The following FAM151B variants were observed in gnomAD, a reference collection of about 807,000 sequenced individuals.
FAM151B encodes protein FAM151B.
In FAM151B, 24 loss-of-function variants were observed where a neutral mutation model predicts 31.2. The ratio of observed to expected loss-of-function variants is 0.77; its 90% CI spans 0.56 to 1.08. The LOEUF is 1.08. Ranked by LOEUF, FAM151B falls within the 50% of genes least tolerant of loss-of-function variation. FAM151B has a pLI of 0.00. For missense variants in FAM151B, 293 were observed against 328.6 expected, an observed-to-expected ratio of 0.89 and a Z score of 0.84; for synonymous variants, 105 against 111.4, an observed-to-expected ratio of 0.94 and a Z score of 0.36.
chr5:80,512,375 G>A (rs1447733796), intron 2 of FAM151B, among the ~76,000 whole-genome samples: 1 of 152,090 alleles, frequency 6.6e-6, no homozygotes, highest in East Asian at 1.9e-4. Context: ...AATATACCTG[G>A]GTGTTTATGC....
chr5:80,520,356 A>G (rs1744644914), intron 4 of FAM151B, among the ~76,000 whole-genome samples: 1 of 152,076 alleles, frequency 6.6e-6, no homozygotes, highest in African/African-American at 2.4e-5. Context: ...TAAAATAGAT[A>G]TATTCTGGCC....
At chr5:80,527,428 A>G (rs1210641260) in intron 5 of FAM151B, among the ~76,000 whole-genome samples, 1 of 30,826 alleles carries the variant, frequency 3.2e-5, no homozygotes, top group South Asian at 9.2e-4. Flanking sequence ...GTCTCAATTA[A>G]AAAAAAAAAA....
intron 5 of FAM151B, among the ~76,000 whole-genome samples, chr5:80,525,730 A>AC (rs760898296): frequency 5.9e-5 from 9 of 152,106 alleles, no homozygotes; most frequent in Non-Finnish European, 1.3e-4. Flanking sequence ...CAGAAAAAAA[A>AC]CATACACCAG....
chr5:80,511,237 A>T (rs1744172474), intron 2 of FAM151B, among the ~76,000 whole-genome samples: 4 of 152,066 alleles, frequency 2.6e-5, no homozygotes, highest in Admixed American at 2.6e-4. Context: ...TTTGAGAGGC[A>T]GAGGTGAGAG....
At position 80,522,046 on chromosome 5, in the gene FAM151B, T is replaced by C; in HGVS notation, c.579T>C (p.Asn193=). 2 of 1,611,554 alleles carry C rather than the reference T, an allele frequency of 1.2e-6. No individual in the cohort carries two copies. Among genetic ancestry groups the C allele is most frequent in the Non-Finnish European group, 1.7e-6 (2 of 1,178,050 alleles). ...TGAAAGAGATGGAATATATATGTAATGAACTAAGTCAGCCTGTAACGTTCC... is the reference window on the plus strand; with the variant it reads ...TGAAAGAGATGGAATATATATGTAACGAACTAAGTCAGCCTGTAACGTTCC... ...TMVKEMEYIC[N]ELSQPVTFPV... Residue 193 remains asparagine (N), a synonymous_variant, in exon 5 of 6, where the codon AAT becomes AAC. Coordinates refer to ENST00000282226, the MANE Select transcript of FAM151B (RefSeq NM_205548.3).
intron 5 of FAM151B, among the ~76,000 whole-genome samples, chr5:80,536,155 A>T (rs902186028): frequency 4.6e-5 from 7 of 151,864 alleles, no homozygotes; most frequent in African/African-American, 1.7e-4. Context: ...AGTTTAGTTT[A>T]GTTTAGTTTT....
chr5:80,533,978 A>G (rs1052996713), intron 5 of FAM151B, among the ~76,000 whole-genome samples: 1 of 152,148 alleles, frequency 6.6e-6, no homozygotes, highest in Non-Finnish European at 1.5e-5. Context: ...TACTGTGAGC[A>G]ACTATATGCC....
chr5:80,488,630 C>A (rs1403003894), intron 1 of FAM151B, among the ~76,000 whole-genome samples: 1 of 152,212 alleles, frequency 6.6e-6, no homozygotes, highest in African/African-American at 2.4e-5. Context: ...TCAGGTGCTT[C>A]AACTCGCGGG....
intron 2 of FAM151B, among the ~76,000 whole-genome samples, chr5:80,506,300 G>A (rs1743961980): frequency 6.6e-6 from 1 of 152,150 alleles, no homozygotes; most frequent in Non-Finnish European, 1.5e-5. Flanking sequence ...ATGAAAATAT[G>A]TAGCCCTAGT....
At chr5:80,507,681 AAAAC>A (rs959485658) in intron 2 of FAM151B, among the ~76,000 whole-genome samples, 2 of 152,180 alleles carry the variant, frequency 1.3e-5, no homozygotes, top group African/African-American at 4.8e-5. Flanking sequence ...ACTCTGTCTC[AAAAC>A]AAACAAACAA....
chr5:80,536,375 C>T (rs893468232), intron 5 of FAM151B, among the ~76,000 whole-genome samples: 4 of 152,066 alleles, frequency 2.6e-5, no homozygotes, highest in Admixed American at 2.0e-4. Context: ...GGAGTTTCAC[C>T]ATCCTGGCCA....
intron 1 of FAM151B, among the ~76,000 whole-genome samples, chr5:80,492,747 G>T (rs1743374719): frequency 6.6e-6 from 1 of 152,178 alleles, no homozygotes; most frequent in Non-Finnish European, 1.5e-5. Context: ...GAAGCCGGCA[G>T]TTCAAGACCA....
chr5:80,490,380 A>G (rs1272144190), intron 1 of FAM151B, among the ~76,000 whole-genome samples: 1 of 152,246 alleles, frequency 6.6e-6, no homozygotes, highest in Non-Finnish European at 1.5e-5. Flanking sequence ...AGCCTTAAAA[A>G]AATTAATAAA....
chr5:80,517,494 GA>G (rs1744506912), intron 3 of FAM151B, among the ~76,000 whole-genome samples: 1 of 152,052 alleles, frequency 6.6e-6, no homozygotes, highest in Non-Finnish European at 1.5e-5. Context: ...TCAAGTTTTA[GA>G]AAATAAGAAC....
At chr5:80,531,447 G>A (rs1228507828) in intron 5 of FAM151B, among the ~76,000 whole-genome samples, 1 of 152,090 alleles carries the variant, frequency 6.6e-6, no homozygotes, top group Non-Finnish European at 1.5e-5. Flanking sequence ...GAGTGAACAG[G>A]CAACCTACAG....
Position 80,542,080 on chromosome 5 carries a change from C to G in FAM151B, c.*248C>G. 1 of 396,834 alleles carries G rather than the reference C, an allele frequency of 2.5e-6. No homozygotes were observed. Among genetic ancestry groups the G allele is most frequent in the Middle Eastern group, 6.9e-4 (1 of 1,458 alleles). 24.6% of individuals were successfully genotyped at this position (396,834 alleles called of 1,614,324 possible). ...AATAATAATTCAGGAAAATGATACTCTGCACCCCTTCATAAAAATAGTTTT... is the reference window on the plus strand; with the variant it reads ...AATAATAATTCAGGAAAATGATACTGTGCACCCCTTCATAAAAATAGTTTT... On this transcript the variant is annotated 3_prime_UTR_variant, in exon 6 of 6. Coordinates refer to ENST00000282226, the MANE Select transcript of FAM151B (RefSeq NM_205548.3).
intron 5 of FAM151B, among the ~76,000 whole-genome samples, chr5:80,536,896 G>A (rs1379194370): frequency 6.6e-6 from 1 of 152,120 alleles, no homozygotes; most frequent in African/African-American, 2.4e-5. Flanking sequence ...TACCAGAGGC[G>A]GGGATAGGTA....
chr5:80,498,405 G>A lies in FAM151B; in HGVS notation c.26-3387G>A. On this transcript the variant is annotated intron_variant, in intron 1 of 5. Coordinates refer to ENST00000282226, the MANE Select transcript of FAM151B (RefSeq NM_205548.3). ...TGTTAGTTAGAATTTGTCTTTATATGCCCCTCCATTCTCTGATATCTTATC... is the reference window on the plus strand; with the variant it reads ...TGTTAGTTAGAATTTGTCTTTATATACCCCTCCATTCTCTGATATCTTATC... 1.1e-5 allele frequency: 4 copies of A among 359,246 alleles called. No homozygotes were observed. In the South Asian group the frequency reaches 1.1e-4, roughly 10 times the overall value. The allele number at this position is 359,246 out of a possible 1,614,324, so 22.3% of individuals were successfully genotyped here. A position where few individuals can be genotyped will look rare whatever the true frequency, so the allele number is the denominator to read the frequency against.
Position 80,541,876 on chromosome 5 carries a change from C to T in FAM151B, c.*44C>T. 1 of 1,569,802 alleles carries T rather than the reference C, an allele frequency of 6.4e-7. No homozygotes were observed. Among genetic ancestry groups the T allele is most frequent in the South Asian group, 1.2e-5 (1 of 86,374 alleles). ...TTTCCTGTGTTTTGGTTTCATAATCCTTCTCTCCATTGGTCTGAATTAATT... is the reference window on the plus strand; with the variant it reads ...TTTCCTGTGTTTTGGTTTCATAATCTTTCTCTCCATTGGTCTGAATTAATT... On this transcript the variant is annotated 3_prime_UTR_variant, in exon 6 of 6. Transcript: ENST00000282226.
Sources: gnomAD v4.1 joint callset for allele counts (sites outside exome capture counted in the v4.1 genomes callset) on GRCh38, gnomAD v4.1.1 for gene constraint, MANE v1.5 for transcripts, NCBI Gene and HGNC (gene_info 2026-07-23, HGNC 2026-07-21) for gene names.